Variants in RIMS2 observed in about 807,000 individuals in gnomAD.
RIMS2 encodes regulating synaptic membrane exocytosis protein 2.
A neutral mutation model predicts 174.4 loss-of-function variants in RIMS2; 59 were observed. The observed-to-expected ratio is 0.34, with a 90% CI of 0.27 to 0.42. The LOEUF (loss-of-function observed/expected upper bound fraction) is 0.42, where lower values mean the gene tolerates loss of function less well. Among genes scored for constraint, RIMS2 ranks in the 10% least tolerant of loss-of-function variants. The pLI is 1.00. For missense variants in RIMS2, 1,620 were observed against 1,666.3 expected (o/e 0.97, Z 0.48); for synonymous variants, 606 against 572.5 (o/e 1.06, Z -0.84).
chr8:103,884,131 A>G (rs2099186116), intron 3 of RIMS2, among the ~76,000 whole-genome samples: 1 of 151,782 alleles, frequency 6.6e-6, no homozygotes, highest in Non-Finnish European at 1.5e-5. Context: ...GGGAAAAGGG[A>G]TTCTGTGACC....
intron 1 of RIMS2, among the ~76,000 whole-genome samples, chr8:103,653,940 C>T (rs2096491119): frequency 6.6e-6 from 1 of 152,034 alleles, no homozygotes; most frequent in Non-Finnish European, 1.5e-5. Context: ...TATTTCTTCA[C>T]AATTGATTTT....
At chr8:104,027,514 G>A (rs955307517) in intron 19 of RIMS2, among the ~76,000 whole-genome samples, 3 of 152,054 alleles carry the variant, frequency 2.0e-5, no homozygotes, top group Non-Finnish European at 2.9e-5. Context: ...CTTCCTAAAT[G>A]CAATCCTTAA....
chr8:104,241,155 A>G (rs1163104462), intron 19 of RIMS2, among the ~76,000 whole-genome samples: 6 of 152,186 alleles, frequency 3.9e-5, no homozygotes, highest in Non-Finnish European at 8.8e-5. Flanking sequence ...TTACAGCATT[A>G]GCACAGTAAA....
intron 1 of RIMS2, among the ~76,000 whole-genome samples, chr8:103,565,653 G>A (rs1219197493): frequency 6.6e-6 from 1 of 152,136 alleles, no homozygotes; most frequent in African/African-American, 2.4e-5. Context: ...AGCAAGTTGA[G>A]AAGAATGAGA....
At chr8:103,697,251 G>C (rs1368995293) in exon 2 of RIMS2, 1 of 1,613,684 alleles carries the variant, frequency 6.2e-7, no homozygotes, top group Admixed American at 1.7e-5. Context: ...GCCAAACAAA[G>C]TTCTGTGCTC....
At chr8:103,669,313 T>C (rs2096715541) in intron 1 of RIMS2, among the ~76,000 whole-genome samples, 1 of 152,218 alleles carries the variant, frequency 6.6e-6, no homozygotes, top group African/African-American at 2.4e-5. Context: ...GTGGGAATTA[T>C]GGAAGCTACA....
intron 19 of RIMS2, among the ~76,000 whole-genome samples, chr8:104,104,683 A>G (rs2097998950): frequency 6.6e-6 from 1 of 152,198 alleles, no homozygotes; most frequent in East Asian, 1.9e-4. Context: ...AGGCAGTTAA[A>G]TAGCTTGACT....
chr8:103,803,074 C>T (rs1304853098), intron 3 of RIMS2, among the ~76,000 whole-genome samples: 1 of 151,984 alleles, frequency 6.6e-6, no homozygotes, highest in African/African-American at 2.4e-5. Flanking sequence ...GATAAGCAAT[C>T]CCTGCTCTAA....
chr8:104,150,446 G>C (rs2098680136), intron 19 of RIMS2, among the ~76,000 whole-genome samples: 2 of 152,118 alleles, frequency 1.3e-5, no homozygotes, highest in Admixed American at 6.5e-5. Context: ...ATACGCCAGT[G>C]GTGAATCTAG....
At chr8:103,831,789 A>G (rs2098827545) in intron 3 of RIMS2, among the ~76,000 whole-genome samples, 1 of 152,224 alleles carries the variant, frequency 6.6e-6, no homozygotes, top group Middle Eastern at 3.2e-3. Flanking sequence ...ACCAGTGATT[A>G]TTCTTTTGCT....
chr8:104,211,774 A>G (rs2099106471), intron 19 of RIMS2, among the ~76,000 whole-genome samples: 1 of 152,130 alleles, frequency 6.6e-6, no homozygotes, highest in South Asian at 2.1e-4. Flanking sequence ...TCGGCCTCCC[A>G]AAGTGCTAGG....
intron 19 of RIMS2, among the ~76,000 whole-genome samples, chr8:104,177,257 A>G (rs2098907083): frequency 6.6e-6 from 1 of 152,142 alleles, no homozygotes; most frequent in Non-Finnish European, 1.5e-5. Flanking sequence ...TTAATTATGA[A>G]ATAAAGACAA....
At chr8:104,114,158 T>A (rs1319324485) in intron 19 of RIMS2, among the ~76,000 whole-genome samples, 1 of 152,026 alleles carries the variant, frequency 6.6e-6, no homozygotes, top group South Asian at 2.1e-4. Context: ...TCTAAATGTG[T>A]TTAAAATACT....
intron 19 of RIMS2, among the ~76,000 whole-genome samples, chr8:104,128,434 C>T (rs968616450): frequency 2.6e-5 from 4 of 152,320 alleles, no homozygotes; most frequent in Non-Finnish European, 4.4e-5. Flanking sequence ...CAGTGGTTCA[C>T]GCCTGTAATC....
chr8:103,612,665 G>A (rs532890095), intron 1 of RIMS2, among the ~76,000 whole-genome samples: 7 of 152,108 alleles, frequency 4.6e-5, no homozygotes, highest in East Asian at 1.9e-4. Flanking sequence ...TGCAACCTCC[G>A]CCTACTGGGT....
intron 15 of RIMS2, among the ~76,000 whole-genome samples, chr8:103,963,582 A>G (rs1488940330): frequency 6.6e-6 from 1 of 152,136 alleles, no homozygotes; most frequent in Non-Finnish European, 1.5e-5. Context: ...CAAAATTGAG[A>G]GGAAGGTATA....
chr8:104,237,416 G>A (rs1563932977), intron 19 of RIMS2, among the ~76,000 whole-genome samples: 1 of 152,154 alleles, frequency 6.6e-6, no homozygotes. Flanking sequence ...CTGATGGAAG[G>A]AGACATAGTG....
intron 1 of RIMS2, among the ~76,000 whole-genome samples, chr8:103,610,532 T>C (rs1241445115): frequency 2.0e-5 from 3 of 152,196 alleles, no homozygotes; most frequent in African/African-American, 7.2e-5. Context: ...TGCAGGTTTT[T>C]AACATGAAGG....
At chr8:104,076,006 C>T (rs774242563) in intron 19 of RIMS2, among the ~76,000 whole-genome samples, 7 of 152,126 alleles carry the variant, frequency 4.6e-5, no homozygotes, top group Non-Finnish European at 7.4e-5. Flanking sequence ...AGTCACCTGA[C>T]GTGTATGTTT....
Sources: gnomAD v4.1 joint callset for allele counts (sites outside exome capture counted in the v4.1 genomes callset) on GRCh38, gnomAD v4.1.1 for gene constraint, MANE v1.5 for transcripts, NCBI Gene and HGNC (gene_info 2026-07-23, HGNC 2026-07-21) for gene names.